The following TMPRSS9 variants were observed in gnomAD, a reference collection of about 807,000 sequenced individuals.
TMPRSS9 encodes the protein transmembrane serine protease 9.
In TMPRSS9, 113 loss-of-function variants were observed where a neutral mutation model predicts 111.4. The ratio of observed to expected loss-of-function variants is 1.01; its 90% confidence interval spans 0.87 to 1.19. The LOEUF (loss-of-function observed/expected upper bound fraction) is 1.19. Among genes scored for constraint, TMPRSS9 ranks in the 50% most tolerant of loss-of-function variants. The probability of loss-of-function intolerance (pLI) is 0.00; values close to 1 mark genes in which losing one functional copy is unlikely to be tolerated. For synonymous variants in TMPRSS9, 805 were observed against 659.1 expected (o/e 1.22, Z -3.39); for missense variants, 1,803 against 1,513.1 (o/e 1.19, Z -3.18).
chr19:2,373,954 CAACTA>C (rs1338151701), intron 1 of TMPRSS9, among the ~76,000 whole-genome samples: 1 of 152,136 alleles, frequency 6.6e-6, no homozygotes, highest in Admixed American at 6.6e-5. Flanking sequence ...TTGTCTGTAC[CAACTA>C]TTTGCAAAGT....
At chr19:2,425,934 C>T (rs754736748) in exon 18 of TMPRSS9, 23 of 1,595,418 alleles carry the variant, frequency 1.4e-5, no homozygotes, top group Admixed American at 7.3e-5. Context: ...CAGGGTGACG[C>T]TGGGGGACCC....
chr19:2,411,749 G>A (rs754357757), intron 9 of TMPRSS9, among the ~76,000 whole-genome samples: 11 of 152,024 alleles, frequency 7.2e-5, no homozygotes, highest in Non-Finnish European at 1.0e-4. Flanking sequence ...ACAGGGTTTC[G>A]CCATGTTGGC....
At position 2,398,778 on chromosome 19, in the gene TMPRSS9, T is replaced by C. The variant is rs1050964867; in HGVS notation, c.271-17T>C. 5 of 1,418,934 alleles carry C rather than the reference T, an allele frequency of 3.5e-6. No individual in the cohort carries two copies. In the African/African-American group the frequency reaches 4.3e-5, roughly 12 times the overall value. 87.9% of individuals were successfully genotyped at this position (1,418,934 alleles called of 1,614,324 possible). ...TGCTGTGGGTCTCAACATTTGATAT[T>C]CTTGTTTCTATTGCAGTTTGTAAGT... On this transcript the variant is annotated splice_polypyrimidine_tract_variant and intron_variant, in intron 2 of 17. Transcript: ENST00000648592.
At chr19:2,414,001 C>A in exon 10 of TMPRSS9, 3 of 1,596,360 alleles carry the variant, frequency 1.9e-6, no homozygotes, top group Non-Finnish European at 2.6e-6. Flanking sequence ...GACTGGGTCA[C>A]CGTTCCTAAG....
intron 7 of TMPRSS9, 50 bp from the exon 9 acceptor site, chr19:2,408,306 C>A: frequency 6.3e-7 from 1 of 1,588,066 alleles, no homozygotes; most frequent in South Asian, 1.1e-5. Flanking sequence ...TCTGCCTCCC[C>A]CGACGGCTCT....
exon 10 of TMPRSS9, chr19:2,413,906 C>T: frequency 6.2e-7 from 1 of 1,613,078 alleles, no homozygotes; most frequent in Non-Finnish European, 8.5e-7. Flanking sequence ...CTGCCGCCCC[C>T]AGCACAGCCT....
chr19:2,395,834 C>T (rs1421894400), intron 1 of TMPRSS9, among the ~76,000 whole-genome samples: 2 of 151,994 alleles, frequency 1.3e-5, no homozygotes, highest in African/African-American at 2.4e-5. Context: ...AGTGAAATCC[C>T]GTCTCTACTA....
In TMPRSS9 at chr19:2,396,668, T is replaced by G; in HGVS notation, c.270+2T>G. On this transcript the variant is annotated splice_donor_variant, in intron 2 of 17. Coordinates refer to ENST00000648592, the Ensembl canonical transcript of TMPRSS9. LOFTEE classifies it high-confidence loss of function. ...CTGACGCCCACCCTGGAGGCACTGG[T>G]GAGGGTGGTCTGTGTTTGGGGGCCA... 2 of 1,604,856 alleles carry G rather than the reference T, an allele frequency of 1.2e-6. No homozygotes were observed. Among genetic ancestry groups the G allele is most frequent in the Non-Finnish European group, 8.5e-7 (1 of 1,174,670 alleles).
chr19:2,416,219 C>T (rs1184545245), intron 11 of TMPRSS9: 1 of 437,712 alleles, frequency 2.3e-6, no homozygotes, highest in Admixed American at 3.9e-5. Context: ...TCTGGGGCAA[C>T]AGAGCGAGAC....
chr19:2,405,299 G>C (rs1970945326), intron 6 of TMPRSS9, 75 bp from the exon 8 acceptor site: 1 of 1,495,956 alleles, frequency 6.7e-7, no homozygotes, highest in Non-Finnish European at 8.8e-7. Context: ...GAGAGACTCA[G>C]AGATGCATGT....
At chr19:2,417,542 G>A (rs1031282890) in intron 12 of TMPRSS9, among the ~76,000 whole-genome samples, 1 of 152,024 alleles carries the variant, frequency 6.6e-6, no homozygotes, top group Non-Finnish European at 1.5e-5. Flanking sequence ...CAGCTACTTA[G>A]GAGGCTGAGG....
chr19:2,423,669 G>A (rs563011858), intron 14 of TMPRSS9, among the ~76,000 whole-genome samples: 8 of 152,234 alleles, frequency 5.3e-5, no homozygotes, highest in South Asian at 2.1e-4. Context: ...AGGCCTTTGC[G>A]CTTGGCACCG....
rs1276630518 is a variant in TMPRSS9, at chr19:2,425,921, C to G, written c.3121-6C>G. 6.3e-7 allele frequency: 1 copy of G among 1,589,614 alleles called. No individual in the cohort carries two copies. Among genetic ancestry groups the G allele is most frequent in the Non-Finnish European group, 8.5e-7 (1 of 1,172,250 alleles). On this transcript the variant is annotated splice_polypyrimidine_tract_variant and splice_region_variant and intron_variant, in intron 17 of 17. Coordinates refer to ENST00000648592, the Ensembl canonical transcript of TMPRSS9. The stretch of plus-strand genomic sequence containing the variant: ...CTCTGAACCCCCTTTCTTCTCTCCC[C>G]AACAGGGTGACGCTGGGGGACCCCT...
chr19:2,379,635 T>A (rs113970540), intron 1 of TMPRSS9, among the ~76,000 whole-genome samples: 176 of 132,014 alleles, frequency 1.3e-3, no homozygotes, highest in African/African-American at 6.5e-3. Flanking sequence ...CTTTCTTTCT[T>A]TCTTTCTTTC....
Position 2,426,051 on chromosome 19 carries a change from CTG to C in TMPRSS9, c.3248_3249del (p.Val1083GlufsTer15). The C allele has an allele frequency of 6.2e-7, 1 of 1,609,528 alleles. No individual in the cohort carries two copies. Among genetic ancestry groups the C allele is most frequent in the Non-Finnish European group, 8.5e-7 (1 of 1,178,482 alleles). On this transcript the variant is annotated frameshift_variant, in exon 18 of 18. Transcript: ENST00000648592. LOFTEE classifies it high-confidence loss of function. ...CCAGGTGTCTATACCCGGGTGGCAG[CTG>C]TGAGAGGCTGGATAGGACAGCACAT...
intron 1 of TMPRSS9, 154 bp from the exon 3 acceptor site, chr19:2,396,385 C>T (rs75250151): frequency 0.037 from 31,994 of 854,690 alleles, 713 homozygotes; most frequent in Non-Finnish European, 0.043. Flanking sequence ...AGTAGCTATT[C>T]AGGGCTATCA....
intron 14 of TMPRSS9, among the ~76,000 whole-genome samples, chr19:2,423,037 A>C (rs1272667830): frequency 6.6e-6 from 1 of 151,682 alleles, no homozygotes; most frequent in Admixed American, 6.6e-5. Flanking sequence ...AGCCTGGGTG[A>C]CACAGCCTGT....
intron 12 of TMPRSS9, among the ~76,000 whole-genome samples, chr19:2,417,163 T>G (rs749214903): frequency 1.3e-5 from 2 of 152,056 alleles, no homozygotes; most frequent in Non-Finnish European, 2.9e-5. Flanking sequence ...CTCTGACCAT[T>G]TATAGAAAAT....
intron 11 of TMPRSS9, 52 bp downstream of exon 12, chr19:2,415,893 C>T (rs1397820654): frequency 6.6e-7 from 1 of 1,519,128 alleles, no homozygotes; most frequent in Non-Finnish European, 8.9e-7. Flanking sequence ...CCTCACCAGC[C>T]CCTCCCTGTC....
Sources: allele counts gnomAD v4.1 joint callset (sites outside exome capture counted in the v4.1 genomes callset), GRCh38; gene constraint gnomAD v4.1.1; transcripts MANE v1.5; gene names NCBI Gene and HGNC (gene_info 2026-07-23, HGNC 2026-07-21).